The following SVEP1 variants were observed in gnomAD, a reference collection of about 807,000 sequenced individuals.
The protein encoded by SVEP1 is sushi, von Willebrand factor type A, EGF and pentraxin domain-containing protein 1.
SVEP1 carries 164 observed loss-of-function variants against 367.3 expected under a neutral mutation model. That is an observed-to-expected ratio of 0.45 (90% CI 0.39 to 0.51). The LOEUF is 0.51. Ranked by LOEUF, SVEP1 falls within the 20% of genes least tolerant of loss-of-function variation. The probability of loss-of-function intolerance (pLI) is 0.00; values close to 1 mark genes in which losing one functional copy is unlikely to be tolerated. For synonymous variants in SVEP1, 1,666 were observed against 1,611.6 expected (o/e 1.03, Z -0.81); for missense variants, 4,117 against 4,425.3 (o/e 0.93, Z 1.98).
chr9:110,437,636 ACT>A (rs902046332), intron 27 of SVEP1, among the ~76,000 whole-genome samples: 1 of 143,550 alleles, frequency 7.0e-6, no homozygotes, highest in African/African-American at 2.6e-5. Flanking sequence ...TCCTTTAACT[ACT>A]CTTTTTTTTT....
chr9:110,390,012 AGT>A (rs138667082), intron 40 of SVEP1, among the ~76,000 whole-genome samples: 8,885 of 115,462 alleles, frequency 0.077, 508 homozygotes, highest in African/African-American at 0.16. Flanking sequence ...TATACACATA[AGT>A]GTGTGTGTGT....
intron 30 of SVEP1, 129 bp from the exon 31 acceptor site, chr9:110,432,764 G>A: frequency 9.3e-7 from 1 of 1,077,870 alleles, no homozygotes; most frequent in Non-Finnish European, 1.3e-6. Context: ...GACTGAGGGT[G>A]TCCTAGGGAT....
rs1827340061 is a variant in SVEP1 at position 110,375,567 on chromosome 9, C to T, written c.10505-104G>A. 4 of 1,040,922 alleles carry T rather than the reference C, an allele frequency of 3.8e-6. No individual in the cohort carries two copies. The Admixed American group carries it at 8.2e-5, about 21-fold the overall frequency. 64.5% of individuals were successfully genotyped at this position (1,040,922 alleles called of 1,614,324 possible). A position where few individuals can be genotyped will look rare whatever the true frequency, so the allele number is the denominator to read the frequency against. ...GTTCAAGGGTTCAGAAAACATTTTG[C>T]AGGAGTGAAACCTTATATGACTCAC... On this transcript the variant is annotated intron_variant, in intron 45 of 47. Coordinates refer to ENST00000374469, the MANE Select transcript of SVEP1 (RefSeq NM_153366.4).
chr9:110,540,921 T>C (rs531255256), intron 3 of SVEP1, among the ~76,000 whole-genome samples: 3 of 152,270 alleles, frequency 2.0e-5, no homozygotes, highest in African/African-American at 7.2e-5. Context: ...TGAGAGGTCA[T>C]TGTTTGAAGA....
intron 14 of SVEP1, among the ~76,000 whole-genome samples, chr9:110,475,120 CATTT>C (rs1829079040): frequency 1.3e-5 from 2 of 151,684 alleles, no homozygotes; most frequent in Non-Finnish European, 2.9e-5. Flanking sequence ...TGTTTTTAAG[CATTT>C]TAAAAATTGT....
chr9:110,370,435 G>A (rs966969439), intron 46 of SVEP1, among the ~76,000 whole-genome samples: 8 of 152,030 alleles, frequency 5.3e-5, no homozygotes, highest in African/African-American at 1.9e-4. Flanking sequence ...TAAATTCCTC[G>A]AGGGAGTTAG....
chr9:110,403,117 G>A (rs564458072), intron 39 of SVEP1, among the ~76,000 whole-genome samples: 1 of 152,028 alleles, frequency 6.6e-6, no homozygotes, highest in African/African-American at 2.4e-5. Context: ...TGAAGTGAAA[G>A]TCTGCTATAC....
intron 44 of SVEP1, 41 bp from the exon 45 acceptor site, chr9:110,377,407 T>A (rs374228590): frequency 9.7e-5 from 153 of 1,579,312 alleles, no homozygotes; most frequent in Admixed American, 2.8e-4. Flanking sequence ...TAGGGAATTA[T>A]GAAGGGAAGG....
intron 8 of SVEP1, among the ~76,000 whole-genome samples, chr9:110,492,416 T>C (rs1829379689): frequency 6.6e-6 from 1 of 152,110 alleles, no homozygotes; most frequent in African/African-American, 2.4e-5. Context: ...TTACTCCTTT[T>C]ACTTGGGCGA....
chr9:110,476,295 A>G lies in SVEP1; in HGVS notation c.2508T>C (p.Asp836=). Residue 836 remains aspartate (D), a synonymous_variant, in exon 14 of 48, where the codon GAT becomes GAC. Transcript: ENST00000374469. ...LGKMVPSFCS[D]AEDIDCRLEE... ...CCAGTCTGCAGTCAATGTCCTCTGC[A>G]TCACTACAAAATGATGGGACCTGCA... 2.5e-6 allele frequency: 4 copies of G among 1,613,332 alleles called. No individual in the cohort carries two copies. Among genetic ancestry groups the G allele is most frequent in the Non-Finnish European group, 3.4e-6 (4 of 1,179,442 alleles).
chr9:110,385,416 G>A (rs1049120500), intron 43 of SVEP1, among the ~76,000 whole-genome samples: 1 of 152,258 alleles, frequency 6.6e-6, no homozygotes, highest in East Asian at 1.9e-4. Flanking sequence ...TGCTAGCAAC[G>A]TAGTGCTTGC....
At chr9:110,425,191 A>G (rs1405817504) in intron 36 of SVEP1, among the ~76,000 whole-genome samples, 1 of 152,178 alleles carries the variant, frequency 6.6e-6, no homozygotes, top group Non-Finnish European at 1.5e-5. Flanking sequence ...CCTTTCAGAA[A>G]AAGACTACAC....
At chr9:110,519,506 G>A (rs983040453) in intron 3 of SVEP1, among the ~76,000 whole-genome samples, 8 of 151,992 alleles carry the variant, frequency 5.3e-5, no homozygotes, top group Non-Finnish European at 8.8e-5. Flanking sequence ...GCCTTCTCGC[G>A]GAACCCACAG....
intron 36 of SVEP1, among the ~76,000 whole-genome samples, chr9:110,417,416 G>A (rs1828144143): frequency 3.3e-5 from 2 of 60,248 alleles, no homozygotes; most frequent in African/African-American, 1.3e-4. Context: ...ACCGGCTTAA[G>A]AAACGGCGCA....
chr9:110,429,252 A>G lies in SVEP1; in HGVS notation c.5698T>C (p.Cys1900Arg). ...NSSWSHSPPV[C>R]EPVKCSSPEN... ...GGACTAGAACACTTCACTGGTTCAC[A>G]CACAGGAGGGGAATGACTCCAAGAA... Residue 1900 changes from cysteine to arginine, a missense_variant, in exon 35 of 48, where the codon TGT (cysteine) becomes CGT (arginine). Cys to Arg is a radical substitution (Grantham distance 180). Around this residue, in one of 4 missense-constraint regions of SVEP1, gnomAD observed 2,174 missense variants for 2,494.3 expected, o/e 0.87. Transcript: ENST00000374469. 1 of 1,597,308 alleles carries G rather than the reference A, an allele frequency of 6.3e-7. No individual in the cohort carries two copies. Among genetic ancestry groups the G allele is most frequent in the African/African-American group, 1.3e-5 (1 of 74,686 alleles).
intron 9 of SVEP1, among the ~76,000 whole-genome samples, chr9:110,484,830 A>G (rs1469804325): frequency 6.6e-6 from 1 of 152,216 alleles, no homozygotes; most frequent in Non-Finnish European, 1.5e-5. Context: ...AACATATGAA[A>G]AAAAGCTCAT....
At chr9:110,537,843 A>T (rs952941851) in intron 3 of SVEP1, among the ~76,000 whole-genome samples, 5 of 146,232 alleles carry the variant, frequency 3.4e-5, no homozygotes, top group African/African-American at 1.2e-4. Context: ...TAAATTTTCC[A>T]TTTTTTTTTT....
At chr9:110,433,465 CTT>C (rs11300153) in intron 30 of SVEP1, among the ~76,000 whole-genome samples, 2,996 of 119,966 alleles carry the variant, frequency 0.025, 50 homozygotes, top group African/African-American at 0.047. Context: ...TTTTGTATTA[CTT>C]TTTTTTTTTT....
chr9:110,406,619 G>T lies in SVEP1; in HGVS notation c.8981C>A (p.Ser2994Tyr). ...NSSRRCLSNG[S>Y]WSGSSPSCLP... Reference sequence around the variant, plus strand: ...GCAGGAAGGTGAGCTGCCACTCCAGGAGCCATTGGAGAGGCACCTTCTTGA... The same window carrying T: ...GCAGGAAGGTGAGCTGCCACTCCAGTAGCCATTGGAGAGGCACCTTCTTGA... The change falls in exon 38 of 48, where the codon TCC becomes TAC. Residue 2994 changes from serine (S) to tyrosine (Y), a missense_variant. Ser to Tyr is a moderately radical substitution (Grantham distance 144). This residue lies in a region of SVEP1 where 1,765 missense variants were observed against 1,781.1 expected (regional missense o/e 0.99). Transcript: ENST00000374469. The T allele has an allele frequency of 1.2e-6, 2 of 1,613,942 alleles. No individual in the cohort carries two copies. Among genetic ancestry groups the T allele is most frequent in the Non-Finnish European group, 1.7e-6 (2 of 1,179,884 alleles).
Sources: allele counts gnomAD v4.1 joint callset (sites outside exome capture counted in the v4.1 genomes callset), GRCh38; gene constraint gnomAD v4.1.1; regional missense constraint gnomAD v4.1.1; transcripts MANE v1.5; gene names NCBI Gene and HGNC (gene_info 2026-07-23, HGNC 2026-07-21).